ATP2B2: variants seen among roughly 807,000 people sequenced by gnomAD.
The protein encoded by ATP2B2 is ATPase plasma membrane Ca2+ transporting 2, also known as plasma membrane calcium-transporting ATPase 2.
In ATP2B2, 15 loss-of-function variants were observed where a neutral mutation model predicts 120.0. The ratio of observed to expected loss-of-function variants is 0.12; its 90% CI spans 0.08 to 0.19. The LOEUF is 0.19. ATP2B2 is among the 10% of genes least tolerant of loss of function. The pLI is 1.00. For missense variants in ATP2B2, 1,045 were observed against 1,719.8 expected (o/e 0.61, Z 6.94); for synonymous variants, 694 against 700.3 (o/e 0.99, Z 0.14).
rs2062584823 is a variant in ATP2B2 at position 10,410,791 on chromosome 3, A to G, written c.224T>C (p.Leu75Pro). ...VEGLPGTAPD[L>P]EKRKQIFGQN... ...CCCAAAAATTTGCTTTCTCTTTTCC[A>G]GGTCTGGAGCGGTGCCCGGCAAACC... The change falls in exon 3 of 23, where the codon CTG becomes CCG. Residue 75 changes from leucine to proline, a missense_variant. This residue lies in a region of ATP2B2 where 139 missense variants were observed against 134.2 expected (regional missense o/e 1.04). Transcript: ENST00000360273. 3 of 1,614,044 alleles carry G rather than the reference A, an allele frequency of 1.9e-6. No individual in the cohort carries two copies. In the East Asian group the frequency reaches 6.7e-5, roughly 36 times the overall value.
At chr3:10,610,008 TC>T (rs1249752601) in intron 2 of ATP2B2, among the ~76,000 whole-genome samples, 1 of 152,026 alleles carries the variant, frequency 6.6e-6, no homozygotes, top group Non-Finnish European at 1.5e-5. Flanking sequence ...CATTCCTGGT[TC>T]CTTTGCTCCT....
At chr3:10,344,335 T>A (rs2060367923) in intron 18 of ATP2B2, among the ~76,000 whole-genome samples, 1 of 151,722 alleles carries the variant, frequency 6.6e-6, no homozygotes, top group African/African-American at 2.4e-5. Context: ...CTAGAGGGAG[T>A]GTCTCATCCA....
At chr3:10,648,498 A>G (rs560902230) in intron 1 of ATP2B2, among the ~76,000 whole-genome samples, 1 of 152,156 alleles carries the variant, frequency 6.6e-6, no homozygotes, top group African/African-American at 2.4e-5. Flanking sequence ...CTACATATTC[A>G]CAAATCCAAC....
At chr3:10,538,179 TC>T (rs1384978594) in intron 2 of ATP2B2, among the ~76,000 whole-genome samples, 1 of 152,242 alleles carries the variant, frequency 6.6e-6, no homozygotes, top group Non-Finnish European at 1.5e-5. Context: ...TGTTTCTTCC[TC>T]TTCTATTTAC....
At chr3:10,357,120 C>A (rs1350945563) in intron 14 of ATP2B2, among the ~76,000 whole-genome samples, 1 of 152,128 alleles carries the variant, frequency 6.6e-6, no homozygotes, top group African/African-American at 2.4e-5. Context: ...TGTTACGTGT[C>A]CCTGGATCTA....
chr3:10,474,541 G>A (rs910721239), intron 1 of ATP2B2, among the ~76,000 whole-genome samples: 7 of 152,216 alleles, frequency 4.6e-5, no homozygotes, highest in South Asian at 2.1e-4. Context: ...CCGGAGCCAC[G>A]CAGCCACCCT....
chr3:10,654,678 T>C (rs2070564251), intron 1 of ATP2B2, among the ~76,000 whole-genome samples: 1 of 150,970 alleles, frequency 6.6e-6, no homozygotes, highest in Admixed American at 6.6e-5. Flanking sequence ...AGGAGGAAAG[T>C]GGTAACAGGA....
chr3:10,428,121 G>A (rs762411525), intron 2 of ATP2B2, among the ~76,000 whole-genome samples: 8 of 152,202 alleles, frequency 5.3e-5, no homozygotes, highest in Non-Finnish European at 1.2e-4. Flanking sequence ...GCCTGGCCTT[G>A]CTGCGTATGG....
chr3:10,442,609 A>G (rs2063706302), intron 2 of ATP2B2, among the ~76,000 whole-genome samples: 1 of 152,140 alleles, frequency 6.6e-6, no homozygotes, highest in South Asian at 2.1e-4. Context: ...TTTTTACCCC[A>G]TGGTAGTGGT....
chr3:10,392,073 T>C (rs2061870429), intron 5 of ATP2B2, among the ~76,000 whole-genome samples: 1 of 152,010 alleles, frequency 6.6e-6, no homozygotes. Context: ...CTCCTCTGAA[T>C]CACCTGAAGT....
intron 1 of ATP2B2, among the ~76,000 whole-genome samples, chr3:10,487,682 G>A (rs916950378): frequency 6.6e-6 from 1 of 152,240 alleles, no homozygotes; most frequent in Non-Finnish European, 1.5e-5. Flanking sequence ...GAATGAGGAT[G>A]AGGGGTTAGA....
At chr3:10,384,117 G>A (rs1179993537) in intron 8 of ATP2B2, among the ~76,000 whole-genome samples, 1 of 152,246 alleles carries the variant, frequency 6.6e-6, no homozygotes, top group Admixed American at 6.5e-5. Context: ...GCTCGCAGAA[G>A]TGCCTTACTC....
At chr3:10,452,463 G>A (rs1033558221) in intron 1 of ATP2B2, among the ~76,000 whole-genome samples, 43 of 152,172 alleles carry the variant, frequency 2.8e-4, no homozygotes, top group African/African-American at 1.0e-3. Flanking sequence ...GGGATGGGGC[G>A]GGAGCTTTTA....
chr3:10,491,594 C>A (rs1042443313), intron 1 of ATP2B2, among the ~76,000 whole-genome samples: 8 of 152,044 alleles, frequency 5.3e-5, no homozygotes, highest in Admixed American at 2.0e-4. Context: ...GGGCTGGCAG[C>A]AACAAGGTCC....
chr3:10,449,824 C>T lies in ATP2B2; in HGVS notation c.-281G>A, dbSNP rs1045291220. ...TCCATTCAGTGGGGCCCATGCTGCT[C>T]CCTGGAACTGGCATCTACATGGTCA... On this transcript the variant is annotated 5_prime_UTR_variant, in exon 2 of 23. Transcript: ENST00000360273. The T allele has an allele frequency of 6.0e-6, 3 of 499,450 alleles. No homozygotes were observed. The highest frequency in any genetic ancestry group is 3.9e-5 in the African/African-American group (2 of 51,488). 30.9% of individuals were successfully genotyped at this position (499,450 alleles called of 1,614,324 possible).
At chr3:10,416,764 CTTTTTT>C (rs112522558) in intron 2 of ATP2B2, among the ~76,000 whole-genome samples, 1 of 141,836 alleles carries the variant, frequency 7.1e-6, no homozygotes, top group Non-Finnish European at 1.5e-5. Context: ...TTTTCTTTTT[CTTTTTT>C]TTTTTTTTAA....
intron 1 of ATP2B2, among the ~76,000 whole-genome samples, chr3:10,625,318 A>G (rs1257363582): frequency 1.3e-5 from 2 of 152,108 alleles, no homozygotes; most frequent in African/African-American, 4.8e-5. Context: ...CTATGCTGTC[A>G]TGGGCTTCGG....
intron 1 of ATP2B2, among the ~76,000 whole-genome samples, chr3:10,686,043 C>CTTTTTTTTTTTTTTTTTTTTTTTTTTTTT (rs34073958): frequency 2.1e-5 from 2 of 93,224 alleles, no homozygotes; most frequent in African/African-American, 8.3e-5. Context: ...TTCCTCCTTT[C>CTTTTTTTTTTTTTTTTTTTTTTTTTTTTT]TTTTTTTTTT....
At chr3:10,593,512 T>A (rs963496555) in intron 2 of ATP2B2, among the ~76,000 whole-genome samples, 1 of 152,218 alleles carries the variant, frequency 6.6e-6, no homozygotes, top group African/African-American at 2.4e-5. Flanking sequence ...GCTAGCCATA[T>A]GTAGAAAGCT....
Sources: gnomAD v4.1 joint callset for allele counts (sites outside exome capture counted in the v4.1 genomes callset) on GRCh38, gnomAD v4.1.1 for gene constraint, gnomAD v4.1.1 regional missense constraint, MANE v1.5 for transcripts, NCBI Gene and HGNC (gene_info 2026-07-23, HGNC 2026-07-21) for gene names.